The following TNPO1 variants were observed in gnomAD, a reference collection of about 807,000 sequenced individuals.
TNPO1 encodes the protein transportin-1.
In TNPO1, 8 loss-of-function variants were observed where a neutral mutation model predicts 119.5. That is an observed-to-expected ratio of 0.07 (90% CI 0.04 to 0.12). The LOEUF is 0.12. TNPO1 is among the 10% of genes least tolerant of loss of function. The pLI, the probability that TNPO1 is intolerant of heterozygous loss-of-function variation, is 1.00. For synonymous variants in TNPO1, 362 were observed against 363.0 expected, an observed-to-expected ratio of 1.00 and a Z score of 0.03; for missense variants, 576 against 1,089.8, an observed-to-expected ratio of 0.53 and a Z score of 6.64.
chr5:72,818,801 T>C (rs1307755170), intron 1 of TNPO1, among the ~76,000 whole-genome samples: 2 of 152,140 alleles, frequency 1.3e-5, no homozygotes, highest in Non-Finnish European at 2.9e-5. Context: ...TCAAAGAAAC[T>C]GATGAGGTTT....
intron 3 of TNPO1, among the ~76,000 whole-genome samples, chr5:72,851,613 TC>T (rs1745571001): frequency 6.6e-6 from 1 of 152,138 alleles, no homozygotes. Context: ...ATGCCAAACC[TC>T]CCTAGTAGCC....
chr5:72,902,192 T>C (rs950294925), intron 22 of TNPO1, among the ~76,000 whole-genome samples: 1 of 152,204 alleles, frequency 6.6e-6, no homozygotes, highest in African/African-American at 2.4e-5. Context: ...AATAACTTTC[T>C]CACATTTCTT....
intron 4 of TNPO1, among the ~76,000 whole-genome samples, chr5:72,856,910 G>A (rs1159564680): frequency 6.6e-6 from 1 of 152,180 alleles, no homozygotes; most frequent in Non-Finnish European, 1.5e-5. Flanking sequence ...GTACTAATGG[G>A]CAGCCTTTAG....
chr5:72,841,509 G>T (rs991279525), intron 1 of TNPO1, among the ~76,000 whole-genome samples: 5 of 151,464 alleles, frequency 3.3e-5, no homozygotes, highest in African/African-American at 9.7e-5. Flanking sequence ...ATGCCACCAC[G>T]CCTGGCTAAT....
Position 72,914,017 on chromosome 5 carries a change from T to A in TNPO1, c.*5344T>A, listed in dbSNP as rs183140873. 3 of 152,648 alleles carry A rather than the reference T, an allele frequency of 2.0e-5. No individual in the cohort carries two copies. The highest frequency in any genetic ancestry group is 6.5e-5 in the Admixed American group (1 of 15,298). 9.5% of individuals were successfully genotyped at this position (152,648 alleles called of 1,614,324 possible). On this transcript the variant is annotated 3_prime_UTR_variant, in exon 25 of 25. Transcript: ENST00000337273. ...CTTTAGTTACAAATATAACTGGATC[T>A]TTCTGCTGACAACTTAGGTTGTATG...
chr5:72,863,135 A>C (rs974874393), intron 5 of TNPO1, among the ~76,000 whole-genome samples: 2 of 151,942 alleles, frequency 1.3e-5, no homozygotes, highest in Non-Finnish European at 2.9e-5. Context: ...TACAGTAAGT[A>C]TCTCTTTAAT....
chr5:72,871,188 G>A (rs1018195656), intron 6 of TNPO1, among the ~76,000 whole-genome samples: 1 of 152,010 alleles, frequency 6.6e-6, no homozygotes, highest in Admixed American at 6.6e-5. Context: ...TGTTGGCCAG[G>A]CTGGTCTAGA....
intron 1 of TNPO1, among the ~76,000 whole-genome samples, chr5:72,836,613 A>G (rs1744703074): frequency 6.6e-6 from 1 of 152,188 alleles, no homozygotes; most frequent in African/African-American, 2.4e-5. Context: ...AATAGCACCT[A>G]GCTTCCTTCT....
intron 1 of TNPO1, among the ~76,000 whole-genome samples, chr5:72,847,852 G>A (rs1211247121): frequency 6.6e-6 from 1 of 152,126 alleles, no homozygotes; most frequent in African/African-American, 2.4e-5. Flanking sequence ...TCTAATTATT[G>A]CTGAACTGTC....
At chr5:72,848,289 G>A in intron 1 of TNPO1, 96 bp from the exon 2 acceptor site, 1 of 1,348,016 alleles carries the variant, frequency 7.4e-7, no homozygotes, top group Non-Finnish European at 9.7e-7. Flanking sequence ...TTGTGGTGGC[G>A]GGGAGAACGG....
rs1750693356 is a variant in TNPO1 at position 72,913,462 on chromosome 5, C to G, written c.*4789C>G. On this transcript the variant is annotated 3_prime_UTR_variant, in exon 25 of 25. Coordinates refer to ENST00000337273, the MANE Select transcript of TNPO1 (RefSeq NM_002270.4). ...GTGTTTTTTAAAAGATGCATAATAG[C>G]TGAATGTATGCATGACTTTGAAAGA... The G allele has an allele frequency of 6.6e-6, 1 of 152,376 alleles. No individual in the cohort carries two copies. Among genetic ancestry groups the G allele is most frequent in the South Asian group, 2.1e-4 (1 of 4,834 alleles). The allele number at this position is 152,376 out of a possible 1,614,324, so 9.4% of individuals were successfully genotyped here.
At chr5:72,893,081 T>C in intron 15 of TNPO1, 58 bp from the exon 16 acceptor site, 3 of 1,334,024 alleles carry the variant, frequency 2.2e-6, no homozygotes, top group Non-Finnish European at 3.2e-6. Context: ...GTTTCAAGCA[T>C]TCATCATAAT....
At chr5:72,867,548 C>T (rs755982375) in intron 6 of TNPO1, among the ~76,000 whole-genome samples, 31 of 152,184 alleles carry the variant, frequency 2.0e-4, no homozygotes, top group African/African-American at 9.7e-5. Flanking sequence ...ATGACATTCT[C>T]ATCATGGCCT....
At chr5:72,892,187 T>A (rs1749112660) in intron 15 of TNPO1, among the ~76,000 whole-genome samples, 1 of 152,078 alleles carries the variant, frequency 6.6e-6, no homozygotes, top group African/African-American at 2.4e-5. Context: ...ATATATATCT[T>A]TTCACTCATA....
chr5:72,868,257 C>G (rs1355223071), intron 6 of TNPO1, among the ~76,000 whole-genome samples: 2 of 151,802 alleles, frequency 1.3e-5, no homozygotes, highest in African/African-American at 2.4e-5. Context: ...ATGGTGAAAC[C>G]CCGCCTCTGC....
chr5:72,904,404 GC>G (rs770228441), intron 23 of TNPO1, among the ~76,000 whole-genome samples: 9 of 152,178 alleles, frequency 5.9e-5, no homozygotes, highest in South Asian at 4.1e-4. Flanking sequence ...TGGAACACTT[GC>G]CAAAGTCTAA....
chr5:72,891,750 AAAATGGTCT>A (rs1749076471), intron 14 of TNPO1, 51 bp from the exon 15 acceptor site: 1 of 1,238,512 alleles, frequency 8.1e-7, no homozygotes. Context: ...TCAAAGACTC[AAAATGGTCT>A]TGTTGACATG....
intron 1 of TNPO1, among the ~76,000 whole-genome samples, chr5:72,819,693 G>C (rs1743861712): frequency 6.6e-6 from 1 of 152,190 alleles, no homozygotes; most frequent in African/African-American, 2.4e-5. Context: ...CTTTTTAATG[G>C]TTAAATTTTT....
At chr5:72,836,808 T>A (rs566668017) in intron 1 of TNPO1, among the ~76,000 whole-genome samples, 1 of 152,340 alleles carries the variant, frequency 6.6e-6, no homozygotes, top group East Asian at 1.9e-4. Context: ...TTCATCACTC[T>A]TAAGTCCTGC....
Sources: allele counts gnomAD v4.1 joint callset (sites outside exome capture counted in the v4.1 genomes callset), GRCh38; gene constraint gnomAD v4.1.1; transcripts MANE v1.5; gene names NCBI Gene and HGNC (gene_info 2026-07-23, HGNC 2026-07-21).